The following IPO11 variants were observed in gnomAD, a reference collection of about 807,000 sequenced individuals.
IPO11 encodes importin 11.
In IPO11, 66 loss-of-function variants were observed where a neutral mutation model predicts 143.2. The observed-to-expected ratio is 0.46, with a 90% confidence interval of 0.38 to 0.57. The LOEUF is 0.57. Ranked by LOEUF, IPO11 falls within the 20% of genes least tolerant of loss-of-function variation. IPO11 has a pLI of 0.00. For missense variants in IPO11, 1,026 were observed against 1,141.0 expected, an observed-to-expected ratio of 0.90 and a Z score of 1.45; for synonymous variants, 385 against 377.8, an observed-to-expected ratio of 1.02 and a Z score of -0.22.
chr5:62,437,976 C>G (rs1744301726), intron 2 of IPO11, among the ~76,000 whole-genome samples: 1 of 152,154 alleles, frequency 6.6e-6, no homozygotes, highest in Admixed American at 6.5e-5. Context: ...ATTATTTTCT[C>G]AATGCCAGAA....
At chr5:62,420,216 G>A (rs1269736986) in intron 1 of IPO11, among the ~76,000 whole-genome samples, 8 of 151,396 alleles carry the variant, frequency 5.3e-5, no homozygotes, top group Non-Finnish European at 2.9e-5. Context: ...GCTTGAACCC[G>A]GGCGATGGAG....
intron 1 of IPO11, chr5:62,418,878 G>T: frequency 9.7e-7 from 1 of 1,028,756 alleles, no homozygotes; most frequent in Non-Finnish European, 1.4e-6. Flanking sequence ...AGGGGTTTCT[G>T]TGATTATAGC....
intron 27 of IPO11, among the ~76,000 whole-genome samples, chr5:62,573,539 A>G (rs1372647728): frequency 6.6e-6 from 1 of 151,908 alleles, no homozygotes; most frequent in Non-Finnish European, 1.5e-5. Flanking sequence ...CTGTGAGCTG[A>G]TGGATGAATT....
intron 26 of IPO11, among the ~76,000 whole-genome samples, chr5:62,556,617 C>T (rs938562182): frequency 1.3e-5 from 2 of 152,116 alleles, no homozygotes; most frequent in Non-Finnish European, 2.9e-5. Flanking sequence ...TGAGGCTGCA[C>T]TTAGCTGTGA....
intron 3 of IPO11, among the ~76,000 whole-genome samples, chr5:62,446,348 A>C (rs1055173719): frequency 6.6e-6 from 1 of 152,188 alleles, no homozygotes; most frequent in Non-Finnish European, 1.5e-5. Context: ...ATGTGTGTTC[A>C]ACTTTAGTAG....
intron 29 of IPO11, among the ~76,000 whole-genome samples, chr5:62,609,486 A>C (rs923234334): frequency 6.6e-6 from 1 of 152,266 alleles, no homozygotes; most frequent in Non-Finnish European, 1.5e-5. Context: ...AACAGCATGT[A>C]TGATGTATAT....
chr5:62,627,352 A>G lies in IPO11; in HGVS notation c.*34A>G. The G allele has an allele frequency of 6.3e-7, 1 of 1,588,352 alleles. No individual in the cohort carries two copies. Among genetic ancestry groups the G allele is most frequent in the Non-Finnish European group, 8.6e-7 (1 of 1,162,130 alleles). ...GACATGTGGCTGCCTCCCCTTTCAG[A>G]AACAAGCTGAGTAACCCAGCCTGCC... On this transcript the variant is annotated 3_prime_UTR_variant, in exon 30 of 30. Coordinates refer to ENST00000325324, the MANE Select transcript of IPO11 (RefSeq NM_016338.5).
chr5:62,445,129 C>T (rs1474071281), intron 3 of IPO11, among the ~76,000 whole-genome samples: 1 of 151,914 alleles, frequency 6.6e-6, no homozygotes, highest in Non-Finnish European at 1.5e-5. Flanking sequence ...TGCTGGAGCA[C>T]GAGTGGCAGT....
chr5:62,614,660 A>T (rs1273592997), intron 29 of IPO11, among the ~76,000 whole-genome samples: 1 of 152,198 alleles, frequency 6.6e-6, no homozygotes, highest in Non-Finnish European at 1.5e-5. Flanking sequence ...CTCCAGCCCC[A>T]TGACAACATC....
chr5:62,470,349 G>A (rs764657693), intron 7 of IPO11, 41 bp downstream of exon 7: 34 of 1,535,154 alleles, frequency 2.2e-5, no homozygotes, highest in Middle Eastern at 1.7e-4. Context: ...TGGGAAAGTG[G>A]TATTTTCCTG....
chr5:62,604,805 T>G (rs1231176528), intron 29 of IPO11, among the ~76,000 whole-genome samples: 1 of 152,190 alleles, frequency 6.6e-6, no homozygotes, highest in Non-Finnish European at 1.5e-5. Context: ...ACCACAGCAG[T>G]TTTTGACTGA....
At chr5:62,443,822 T>C (rs1260068141) in intron 3 of IPO11, among the ~76,000 whole-genome samples, 1 of 152,328 alleles carries the variant, frequency 6.6e-6, no homozygotes, top group East Asian at 1.9e-4. Flanking sequence ...TTACATGTTA[T>C]ATAATCAATG....
At chr5:62,601,019 A>G (rs1745487644) in intron 28 of IPO11, among the ~76,000 whole-genome samples, 1 of 152,224 alleles carries the variant, frequency 6.6e-6, no homozygotes, top group Non-Finnish European at 1.5e-5. Flanking sequence ...AAAACAAGAG[A>G]ACCCAAACTT....
rs1744985526 is a variant in IPO11, at chr5:62,452,753, T to C, written c.516+820T>C. The stretch of plus-strand genomic sequence containing the variant: ...GTGTGTGTGTGTGTGTGTGTGTGTG[T>C]GTGTGTGCACGCATTTTGAGACGGG... On this transcript the variant is annotated intron_variant, in intron 5 of 29. Transcript: ENST00000325324. Among the ~76,000 whole-genome samples, 3 of 146,606 alleles carry C rather than the reference T, an allele frequency of 2.0e-5. 1 individual carries two copies. The highest frequency in any genetic ancestry group is 4.5e-5 in the Non-Finnish European group (3 of 67,328).
chr5:62,478,985 G>T (rs900825331), intron 9 of IPO11, among the ~76,000 whole-genome samples: 1 of 152,172 alleles, frequency 6.6e-6, no homozygotes, highest in South Asian at 2.1e-4. Context: ...TGTGCACAAT[G>T]TGCAGATTTG....
intron 20 of IPO11, among the ~76,000 whole-genome samples, chr5:62,521,512 T>C (rs769280952): frequency 1.2e-4 from 19 of 152,204 alleles, no homozygotes; most frequent in Non-Finnish European, 1.8e-4. Flanking sequence ...CATCTCTGTG[T>C]TCCTGTTTTC....
At chr5:62,559,731 A>G (rs948842169) in intron 26 of IPO11, among the ~76,000 whole-genome samples, 11 of 151,980 alleles carry the variant, frequency 7.2e-5, no homozygotes, top group African/African-American at 1.9e-4. Flanking sequence ...AACCTGGCCA[A>G]TATGGTGAAA....
At position 62,577,111 on chromosome 5, in the gene IPO11, C is replaced by A. The variant is rs558310805; in HGVS notation, c.2583-14466C>A. 3.6e-4 allele frequency among the ~76,000 whole-genome samples: 55 copies of A among 152,274 alleles called. 1 individual carries two copies. Among genetic ancestry groups the A allele is most frequent in the African/African-American group, 1.3e-3 (54 of 41,544 alleles). On this transcript the variant is annotated intron_variant, in intron 27 of 29. Transcript: ENST00000325324. ...AGGATAATGAGGAATCATTGTTGAT[C>A]AGTTGTCTCTAAGAACAGCAACTCC... is the stretch of plus-strand genomic sequence containing the variant.
In IPO11 at chr5:62,431,648, A is replaced by G. The variant is rs144640442; in HGVS notation, c.-6-5626A>G. Among the ~76,000 whole-genome samples, 207 of 152,190 alleles carry G rather than the reference A, an allele frequency of 1.4e-3. 5 individuals carry two copies. The highest frequency in any genetic ancestry group is 0.013 in the Admixed American group (202 of 15,288). On this transcript the variant is annotated intron_variant, in intron 1 of 29. Transcript: ENST00000325324. ...CGGCTTACTCAAGATAGCCATTGAA[A>G]CAAGGCATGCAGACTAGGCACAGTG...
Sources: gnomAD v4.1 joint callset for allele counts (sites outside exome capture counted in the v4.1 genomes callset) on GRCh38, gnomAD v4.1.1 for gene constraint, MANE v1.5 for transcripts, NCBI Gene and HGNC (gene_info 2026-07-23, HGNC 2026-07-21) for gene names.